WDR27: variants seen among roughly 807,000 people sequenced by gnomAD.
WDR27 encodes WD repeat-containing protein 27.
Under a neutral mutation model 114.4 loss-of-function variants are expected in WDR27, and 100 were observed. That is an observed-to-expected ratio of 0.87 (90% confidence interval 0.74 to 1.03). The LOEUF is 1.03. Ranked by LOEUF, WDR27 falls within the 50% of genes least tolerant of loss-of-function variation. The pLI, the probability that WDR27 is intolerant of heterozygous loss-of-function variation, is 0.00. For synonymous variants in WDR27, 449 were observed against 423.1 expected (o/e 1.06, Z -0.75); for missense variants, 1,129 against 1,092.9 (o/e 1.03, Z -0.47).
chr6:169,518,119 A>C (rs1465913478), intron 25 of WDR27, among the ~76,000 whole-genome samples: 1 of 152,200 alleles, frequency 6.6e-6, no homozygotes, highest in African/African-American at 2.4e-5. Flanking sequence ...TTCAGACCCA[A>C]TGGCTGCTCT....
At chr6:169,625,443 C>T (rs1814557169) in intron 21 of WDR27, among the ~76,000 whole-genome samples, 1 of 152,232 alleles carries the variant, frequency 6.6e-6, no homozygotes, top group South Asian at 2.1e-4. Flanking sequence ...GTGGTGGAGA[C>T]TGAGCCTGGA....
At chr6:169,495,864 C>T (rs1021089624) in intron 25 of WDR27, among the ~76,000 whole-genome samples, 7 of 151,950 alleles carry the variant, frequency 4.6e-5, no homozygotes, top group Non-Finnish European at 7.4e-5. Flanking sequence ...TATTCCAATT[C>T]TGCTCCAACT....
At chr6:169,538,557 T>C (rs921953487) in intron 25 of WDR27, among the ~76,000 whole-genome samples, 2 of 152,112 alleles carry the variant, frequency 1.3e-5, no homozygotes, top group Non-Finnish European at 2.9e-5. Flanking sequence ...TCCTTCGAAA[T>C]AGTTATTTTC....
At chr6:169,621,342 A>ATGCATGTAGACATACGCACACATG (rs1813122471) in intron 21 of WDR27, among the ~76,000 whole-genome samples, 3 of 151,882 alleles carry the variant, frequency 2.0e-5, no homozygotes, top group Non-Finnish European at 4.4e-5. Flanking sequence ...ATACGCACAC[A>ATGCATGTAGACATACGCACACATG]CATGCATGTA....
rs547359699 is a variant in WDR27 at position 169,577,554 on chromosome 6, G to A, written c.2524-5014C>T. On this transcript the variant is annotated intron_variant, in intron 24 of 25. Coordinates refer to ENST00000448612, the MANE Select transcript of WDR27 (RefSeq NM_182552.5). ...GAGATGGTCGGAGTGAGCAACGGGA[G>A]ACGAACTCGGCCCCGAAGCAGGACG... Among the ~76,000 whole-genome samples, 5 of 152,306 alleles carry A rather than the reference G, an allele frequency of 3.3e-5. No homozygotes were observed. The South Asian group carries it at 1.0e-3, about 32-fold the overall frequency.
At chr6:169,643,834 T>C (rs1562792359) in intron 16 of WDR27, 48 bp from the exon 17 acceptor site, 8 of 1,482,738 alleles carry the variant, frequency 5.4e-6, no homozygotes, top group Admixed American at 1.8e-5. Flanking sequence ...GCCTAATTCA[T>C]AGGAGTCACA....
intron 1 of WDR27, among the ~76,000 whole-genome samples, chr6:169,696,350 T>C (rs911287690): frequency 1.3e-5 from 2 of 152,186 alleles, no homozygotes; most frequent in Admixed American, 6.5e-5. Flanking sequence ...AGTTAAGGTA[T>C]GGGCAGTTGT....
chr6:169,584,808 C>T (rs1562633645), intron 23 of WDR27, among the ~76,000 whole-genome samples: 2 of 152,106 alleles, frequency 1.3e-5, no homozygotes, highest in African/African-American at 4.8e-5. Context: ...GGATATTAAA[C>T]CCTTATCAGG....
At chr6:169,651,325 T>C (rs903041713) in intron 14 of WDR27, among the ~76,000 whole-genome samples, 1 of 151,960 alleles carries the variant, frequency 6.6e-6, no homozygotes, top group Non-Finnish European at 1.5e-5. Context: ...GGCCGCTATG[T>C]TAAGAGACAT....
intron 22 of WDR27, among the ~76,000 whole-genome samples, chr6:169,606,453 A>C (rs1358338039): frequency 6.6e-6 from 1 of 152,030 alleles, no homozygotes; most frequent in Non-Finnish European, 1.5e-5. Context: ...ATTTATCCTG[A>C]TCCTCTTCCT....
chr6:169,622,211 T>C (rs1478982285), intron 21 of WDR27, among the ~76,000 whole-genome samples: 1 of 152,230 alleles, frequency 6.6e-6, no homozygotes, highest in African/African-American at 2.4e-5. Context: ...GCAATGTTCA[T>C]CTTATGTATG....
chr6:169,592,412 C>A (rs1337827007), intron 23 of WDR27, among the ~76,000 whole-genome samples: 8 of 152,148 alleles, frequency 5.3e-5, no homozygotes, highest in African/African-American at 9.7e-5. Context: ...TTGCAGAAAT[C>A]TTGTTAATAC....
At chr6:169,463,790 AT>A (rs1785205252) in intron 25 of WDR27, among the ~76,000 whole-genome samples, 1 of 152,230 alleles carries the variant, frequency 6.6e-6, no homozygotes, top group South Asian at 2.1e-4. Context: ...AAACAATTCC[AT>A]TTAAAATAGC....
Position 169,662,379 on chromosome 6 carries a change from T to C in WDR27, c.950A>G (p.Gln317Arg). 6.2e-7 allele frequency: 1 copy of C among 1,614,060 alleles called. No homozygotes were observed. Among genetic ancestry groups the C allele is most frequent in the Non-Finnish European group, 8.5e-7 (1 of 1,179,882 alleles). Residue 317 changes from glutamine to arginine, a missense_variant, in exon 9 of 26, where the codon CAG becomes CGG. Coordinates refer to ENST00000448612, the MANE Select transcript of WDR27 (RefSeq NM_182552.5). ...CAGTACAGGAAATGTTACTTCAACC[T>C]GCTCTCCTTTTCCCAGAGCACTTGT... Reference protein sequence around the residue: ...PSTSALGKGEQVEVTFPVLRL... With the variant: ...PSTSALGKGERVEVTFPVLRL...
chr6:169,574,961 A>C (rs1297592512), intron 24 of WDR27, among the ~76,000 whole-genome samples: 4 of 152,140 alleles, frequency 2.6e-5, no homozygotes, highest in Non-Finnish European at 4.4e-5. Context: ...AAGGCAGAGG[A>C]GGGGACTTCA....
intron 4 of WDR27, chr6:169,670,361 A>C: frequency 2.1e-6 from 1 of 465,204 alleles, no homozygotes; most frequent in Admixed American, 3.8e-5. Flanking sequence ...AAGAGTTTTA[A>C]TATTTATATA....
intron 2 of WDR27, among the ~76,000 whole-genome samples, chr6:169,675,196 T>C (rs1026843078): frequency 2.0e-5 from 3 of 151,522 alleles, no homozygotes; most frequent in African/African-American, 7.3e-5. Context: ...TGCTGGGAGG[T>C]GTATGGGTCA....
the WDR27 span, among the ~76,000 whole-genome samples, chr6:169,449,078 T>C: frequency 1.3e-5 from 2 of 152,228 alleles, no homozygotes; most frequent in African/African-American, 2.4e-5. Context: ...CGTGTATTGT[T>C]TCAAAGGCTG....
intron 25 of WDR27, among the ~76,000 whole-genome samples, chr6:169,541,308 G>A (rs1277016486): frequency 6.6e-6 from 1 of 152,120 alleles, no homozygotes; most frequent in Non-Finnish European, 1.5e-5. Flanking sequence ...AAAACTTCCA[G>A]ATTCATAAAA....
Sources: gnomAD v4.1 joint callset for allele counts (sites outside exome capture counted in the v4.1 genomes callset) on GRCh38, gnomAD v4.1.1 for gene constraint, MANE v1.5 for transcripts, NCBI Gene and HGNC (gene_info 2026-07-23, HGNC 2026-07-21) for gene names.